Variants in STXBP5 observed in about 807,000 individuals in gnomAD.
STXBP5 encodes syntaxin-binding protein 5.
STXBP5 carries 50 observed loss-of-function variants against 152.4 expected under a neutral mutation model. The ratio of observed to expected loss-of-function variants is 0.33; its 90% CI spans 0.26 to 0.42. The LOEUF is 0.42. Among genes scored for constraint, STXBP5 ranks in the 10% least tolerant of loss-of-function variants. STXBP5 has a pLI of 1.00. For missense variants in STXBP5, 1,167 were observed against 1,388.6 expected, an observed-to-expected ratio of 0.84 and a Z score of 2.54; for synonymous variants, 492 against 494.7, an observed-to-expected ratio of 0.99 and a Z score of 0.07.
chr6:147,244,072 TAATAAA>T (rs896147792), intron 4 of STXBP5, among the ~76,000 whole-genome samples: 3 of 152,178 alleles, frequency 2.0e-5, no homozygotes, highest in African/African-American at 7.2e-5. Context: ...AATAAAAAGA[TAATAAA>T]AATAAAAATA....
intron 4 of STXBP5, among the ~76,000 whole-genome samples, chr6:147,250,322 G>C (rs1457391872): frequency 2.0e-5 from 3 of 152,062 alleles, no homozygotes; most frequent in African/African-American, 2.4e-5. Context: ...ATTTCAATGG[G>C]AATTTCTATA....
intron 7 of STXBP5, among the ~76,000 whole-genome samples, chr6:147,268,599 T>C (rs969062288): frequency 5.3e-5 from 8 of 152,220 alleles, no homozygotes; most frequent in Non-Finnish European, 1.2e-4. Context: ...AACAAGCATG[T>C]TTTGAATAAA....
intron 2 of STXBP5, among the ~76,000 whole-genome samples, chr6:147,210,314 T>G (rs1014008863): frequency 6.6e-6 from 1 of 152,230 alleles, no homozygotes; most frequent in African/African-American, 2.4e-5. Flanking sequence ...CTTTAACTTT[T>G]ATTGTATTAT....
At chr6:147,337,214 C>CACACACACACACACACACAA (rs150169446) in intron 19 of STXBP5, among the ~76,000 whole-genome samples, 38,553 of 146,968 alleles carry the variant, frequency 0.26, 5,326 homozygotes, top group South Asian at 0.36. Flanking sequence ...CACACACACA[C>CACACACACACACACACACAA]AAGAAGTCAT....
chr6:147,270,446 A>G (rs59699622), intron 7 of STXBP5, among the ~76,000 whole-genome samples: 9 of 152,010 alleles, frequency 5.9e-5, no homozygotes, highest in African/African-American at 1.2e-4. Flanking sequence ...CTTAGATGCA[A>G]TGTAAGCCAG....
chr6:147,266,286 G>A (rs1302550936), intron 6 of STXBP5, among the ~76,000 whole-genome samples: 1 of 151,900 alleles, frequency 6.6e-6, no homozygotes, highest in Non-Finnish European at 1.5e-5. Flanking sequence ...TTAAACAGAA[G>A]CATACATTAC....
At chr6:147,239,057 C>G (rs1329319091) in intron 3 of STXBP5, 113 bp from the exon 4 acceptor site, 1 of 870,326 alleles carries the variant, frequency 1.1e-6, no homozygotes, top group African/African-American at 1.7e-5. Context: ...AGATCTAAAT[C>G]TGTTGGCAGA....
At chr6:147,328,757 GA>G (rs1242596873) in intron 18 of STXBP5, 23 of 470,624 alleles carry the variant, frequency 4.9e-5, no homozygotes, top group African/African-American at 4.0e-4. Flanking sequence ...CTGAATCTAT[GA>G]AAAAACTACG....
intron 2 of STXBP5, among the ~76,000 whole-genome samples, chr6:147,228,231 A>G (rs992286241): frequency 6.6e-6 from 1 of 152,108 alleles, no homozygotes; most frequent in African/African-American, 2.4e-5. Flanking sequence ...TACAAAAAGA[A>G]TGATAAGATT....
At chr6:147,346,051 T>C (rs556591418) in intron 21 of STXBP5, among the ~76,000 whole-genome samples, 2 of 152,310 alleles carry the variant, frequency 1.3e-5, no homozygotes, top group African/African-American at 4.8e-5. Context: ...GGTTGAAGAA[T>C]ACACAGTGGA....
Position 147,238,973 on chromosome 6 carries a change from G to A in STXBP5, c.331-197G>A, listed in dbSNP as rs527698422. On this transcript the variant is annotated intron_variant, in intron 3 of 27. Transcript: ENST00000321680. ...ACTTTAAAGTATTGAAGAAGTTAAC[G>A]TATTTACATGCATGTAATACACGTA... Among the ~76,000 whole-genome samples, 5 of 152,194 alleles carry A rather than the reference G, an allele frequency of 3.3e-5. No homozygotes were observed. The South Asian group carries it at 1.0e-3, about 32-fold the overall frequency.
At chr6:147,343,220 A>G (rs1277347532) in intron 21 of STXBP5, among the ~76,000 whole-genome samples, 2 of 152,092 alleles carry the variant, frequency 1.3e-5, no homozygotes, top group African/African-American at 4.8e-5. Context: ...GGTTACTTTT[A>G]TCTCTCCAAT....
chr6:147,351,524 A>G (rs985533825), intron 21 of STXBP5, among the ~76,000 whole-genome samples: 2 of 152,170 alleles, frequency 1.3e-5, no homozygotes, highest in Non-Finnish European at 2.9e-5. Context: ...ACTGTTTTAG[A>G]GATACAATAT....
chr6:147,259,226 C>T (rs944075747), intron 4 of STXBP5, among the ~76,000 whole-genome samples: 1 of 151,940 alleles, frequency 6.6e-6, no homozygotes, highest in Non-Finnish European at 1.5e-5. Flanking sequence ...ATATTTTGTT[C>T]TTCTCACTTC....
intron 7 of STXBP5, among the ~76,000 whole-genome samples, chr6:147,271,303 A>G (rs981364953): frequency 3.3e-5 from 5 of 152,164 alleles, no homozygotes; most frequent in Non-Finnish European, 7.4e-5. Flanking sequence ...AACCAAAATG[A>G]CTATATTAAT....
intron 9 of STXBP5, among the ~76,000 whole-genome samples, chr6:147,294,848 A>G (rs535132388): frequency 6.6e-6 from 1 of 152,284 alleles, no homozygotes; most frequent in Non-Finnish European, 1.5e-5. Flanking sequence ...ATTCAGTGGT[A>G]TATATTTGTC....
rs1267643135 is a variant in STXBP5, at chr6:147,386,118, C to T, written c.*1363C>T. On this transcript the variant is annotated 3_prime_UTR_variant, in exon 28 of 28. Coordinates refer to ENST00000321680, the MANE Select transcript of STXBP5 (RefSeq NM_001127715.4). ...GCAGGAAAGAAACCACCTAGTAGAT[C>T]TAGAAGTAAGCAATCTCAGAATACA... 1 of 151,866 alleles carries T rather than the reference C, an allele frequency of 6.6e-6. No homozygotes were observed. Among genetic ancestry groups the T allele is most frequent in the Admixed American group, 6.6e-5 (1 of 15,212 alleles). 9.4% of individuals were successfully genotyped at this position (151,866 alleles called of 1,614,324 possible).
chr6:147,233,176 G>A (rs555886016), intron 2 of STXBP5, among the ~76,000 whole-genome samples: 3 of 151,814 alleles, frequency 2.0e-5, no homozygotes, highest in Admixed American at 6.6e-5. Context: ...TAAGATGAAT[G>A]CGTTTGAAAG....
At chr6:147,345,013 C>T (rs1345564145) in intron 21 of STXBP5, among the ~76,000 whole-genome samples, 1 of 152,128 alleles carries the variant, frequency 6.6e-6, no homozygotes, top group African/African-American at 2.4e-5. Context: ...GTACTCATAT[C>T]TTTAAAGATT....
Sources: allele counts gnomAD v4.1 joint callset (sites outside exome capture counted in the v4.1 genomes callset), GRCh38; gene constraint gnomAD v4.1.1; transcripts MANE v1.5; gene names NCBI Gene and HGNC (gene_info 2026-07-23, HGNC 2026-07-21).